Variants in GLIS3 observed in about 807,000 individuals in gnomAD.
The protein encoded by GLIS3 is zinc finger protein GLIS3.
In GLIS3, 53 loss-of-function variants were observed where a neutral mutation model predicts 78.6. The ratio of observed to expected loss-of-function variants is 0.67; its 90% CI spans 0.54 to 0.85. The LOEUF is 0.85. Among genes scored for constraint, GLIS3 ranks in the 40% least tolerant of loss-of-function variants. The pLI, the probability that GLIS3 is intolerant of heterozygous loss-of-function variation, is 0.00. For synonymous variants in GLIS3, 684 were observed against 509.9 expected (o/e 1.34, Z -4.60); for missense variants, 1,703 against 1,231.1 (o/e 1.38, Z -5.74).
chr9:4,084,790 G>C (rs544652262), intron 4 of GLIS3, among the ~76,000 whole-genome samples: 1 of 152,066 alleles, frequency 6.6e-6, no homozygotes, highest in South Asian at 2.1e-4. Context: ...GACTGACGCT[G>C]TTTCTAGAAC....
At chr9:4,311,852 A>G (rs939668613) in intron 2 of GLIS3, among the ~76,000 whole-genome samples, 1 of 152,200 alleles carries the variant, frequency 6.6e-6, no homozygotes, top group Non-Finnish European at 1.5e-5. Flanking sequence ...TTTTAGAGTA[A>G]GCCCATTTTA....
intron 4 of GLIS3, among the ~76,000 whole-genome samples, chr9:3,981,262 A>G (rs965203509): frequency 2.6e-5 from 4 of 152,236 alleles, no homozygotes; most frequent in Non-Finnish European, 5.9e-5. Flanking sequence ...AGGTACTGCC[A>G]GAATATTGCA....
chr9:4,234,590 A>G (rs1247722136), intron 2 of GLIS3, among the ~76,000 whole-genome samples: 1 of 152,204 alleles, frequency 6.6e-6, no homozygotes, highest in Non-Finnish European at 1.5e-5. Context: ...TAACAACGGA[A>G]AAGTTTGAAA....
the GLIS3 span, among the ~76,000 whole-genome samples, chr9:4,374,733 C>G: frequency 2.8e-3 from 426 of 151,134 alleles, 2 homozygotes; most frequent in African/African-American, 0.01. Context: ...ATAAAGCAGG[C>G]TTATAATAAA....
chr9:4,359,594 T>C, the GLIS3 span, among the ~76,000 whole-genome samples: 1 of 152,174 alleles, frequency 6.6e-6, no homozygotes, highest in East Asian at 1.9e-4. Context: ...ATTTAATATT[T>C]TGTAGAAAGA....
chr9:4,116,957 G>A (rs921628107), intron 4 of GLIS3, among the ~76,000 whole-genome samples: 11 of 152,098 alleles, frequency 7.2e-5, no homozygotes, highest in Non-Finnish European at 1.5e-4. Flanking sequence ...GTTTCTGTGA[G>A]GTGTGAAATT....
chr9:4,465,934 A>T, the GLIS3 span, among the ~76,000 whole-genome samples: 1 of 152,224 alleles, frequency 6.6e-6, no homozygotes, highest in African/African-American at 2.4e-5. Context: ...ATTTGAGAGT[A>T]AAAGATCACA....
chr9:3,866,216 A>G (rs886269782), intron 8 of GLIS3, among the ~76,000 whole-genome samples: 5 of 152,248 alleles, frequency 3.3e-5, no homozygotes, highest in Non-Finnish European at 7.3e-5. Flanking sequence ...AACCTGACAT[A>G]GTCTCTGTGC....
chr9:4,164,667 T>C (rs1835745774), intron 2 of GLIS3, among the ~76,000 whole-genome samples: 1 of 152,206 alleles, frequency 6.6e-6, no homozygotes, highest in African/African-American at 2.4e-5. Flanking sequence ...GAGGGCGTTA[T>C]GTATGATCTA....
At chr9:4,009,330 C>A (rs1821812072) in intron 4 of GLIS3, among the ~76,000 whole-genome samples, 1 of 152,302 alleles carries the variant, frequency 6.6e-6, no homozygotes, top group Admixed American at 6.5e-5. Flanking sequence ...TGACAGCCGA[C>A]AAGCCAGCTG....
chr9:4,396,007 C>T, the GLIS3 span, among the ~76,000 whole-genome samples: 1 of 151,868 alleles, frequency 6.6e-6, no homozygotes, highest in Non-Finnish European at 1.5e-5. Context: ...CTCCTGACCT[C>T]ATGATCCACC....
intron 2 of GLIS3, among the ~76,000 whole-genome samples, chr9:4,228,730 A>T (rs1821997876): frequency 6.6e-6 from 1 of 152,192 alleles, no homozygotes; most frequent in African/African-American, 2.4e-5. Context: ...TGAAATGAAA[A>T]ATGATCAAAA....
chr9:3,920,035 A>G lies in GLIS3; in HGVS notation c.1983+12325T>C, dbSNP rs1424927973. ...TTTTTTTTTTTTGAGACAGAGTCTC[A>G]CTCTGTTGCCCAGGCTGGAGTGCAG... On this transcript the variant is annotated intron_variant, in intron 6 of 10. Coordinates refer to ENST00000381971, the MANE Select transcript of GLIS3 (RefSeq NM_001042413.2). Among the ~76,000 whole-genome samples the G allele has an allele frequency of 2.7e-4, 34 of 126,828 alleles. No homozygotes were observed. The South Asian group carries it at 6.4e-3, about 24-fold the overall frequency. The allele number at this position is 126,828 out of a possible 152,430, so 83.2% of individuals were successfully genotyped here.
intron 3 of GLIS3, 91 bp downstream of exon 3, chr9:4,125,643 T>TGC: frequency 2.3e-6 from 2 of 867,922 alleles, no homozygotes; most frequent in Non-Finnish European, 3.9e-6. Flanking sequence ...AGTGTGTGTG[T>TGC]GTGTGTGTGT....
At chr9:4,131,474 T>C (rs149888607) in intron 2 of GLIS3, among the ~76,000 whole-genome samples, 155 of 152,272 alleles carry the variant, frequency 1.0e-3, no homozygotes, top group African/African-American at 3.5e-3. Context: ...AGAGCCTTCA[T>C]GAATGGTTTG....
chr9:4,107,067 A>C (rs1048630566), intron 4 of GLIS3, among the ~76,000 whole-genome samples: 1 of 152,218 alleles, frequency 6.6e-6, no homozygotes, highest in African/African-American at 2.4e-5. Flanking sequence ...AAAGCAAGTT[A>C]TAGGAGCCAG....
chr9:4,164,531 G>C (rs1835736655), intron 2 of GLIS3, among the ~76,000 whole-genome samples: 1 of 152,198 alleles, frequency 6.6e-6, no homozygotes, highest in African/African-American at 2.4e-5. Context: ...CTGTGAAAGG[G>C]TCAGACTTTC....
At chr9:4,196,727 G>T (rs945169399) in intron 2 of GLIS3, among the ~76,000 whole-genome samples, 1 of 152,160 alleles carries the variant, frequency 6.6e-6, no homozygotes, top group Non-Finnish European at 1.5e-5. Flanking sequence ...TTTAAGAACT[G>T]TAACACTCAC....
intron 2 of GLIS3, among the ~76,000 whole-genome samples, chr9:4,236,275 G>A (rs1822745586): frequency 6.6e-6 from 1 of 150,862 alleles, no homozygotes; most frequent in African/African-American, 2.4e-5. Flanking sequence ...CTGAAGGTGA[G>A]AAGGAGCCTG....
Sources: gnomAD v4.1 joint callset for allele counts (sites outside exome capture counted in the v4.1 genomes callset) on GRCh38, gnomAD v4.1.1 for gene constraint, MANE v1.5 for transcripts, NCBI Gene and HGNC (gene_info 2026-07-23, HGNC 2026-07-21) for gene names.